CRYBG1: variants seen among roughly 807,000 people sequenced by gnomAD.
CRYBG1 encodes beta/gamma crystallin domain-containing protein 1.
Under a neutral mutation model 189.2 loss-of-function variants are expected in CRYBG1, and 139 were observed. The observed-to-expected ratio is 0.73, with a 90% CI of 0.64 to 0.85. The LOEUF (loss-of-function observed/expected upper bound fraction) is 0.85. Among genes scored for constraint, CRYBG1 ranks in the 40% least tolerant of loss-of-function variants. The pLI is 0.00. For missense variants in CRYBG1, 2,611 were observed against 2,675.8 expected (o/e 0.98, Z 0.53); for synonymous variants, 1,023 against 1,017.1 (o/e 1.01, Z -0.11).
chr6:106,525,229 A>C, intron 5 of CRYBG1, 39 bp from the exon 6 acceptor site: 1 of 1,613,662 alleles, frequency 6.2e-7, no homozygotes, highest in Non-Finnish European at 8.5e-7. Flanking sequence ...GGTCTGACAG[A>C]GTACAACAAA....
chr6:106,405,864 A>G (rs564739590), intron 1 of CRYBG1, among the ~76,000 whole-genome samples: 4 of 152,330 alleles, frequency 2.6e-5, no homozygotes, highest in African/African-American at 7.2e-5. Context: ...CAAAAACCCC[A>G]TCCAAAGGTC....
intron 1 of CRYBG1, among the ~76,000 whole-genome samples, chr6:106,393,321 A>G (rs994905433): frequency 2.0e-5 from 3 of 152,152 alleles, no homozygotes; most frequent in African/African-American, 7.2e-5. Flanking sequence ...TCTATAGCCC[A>G]TATAATTAGG....
At chr6:106,362,038 C>T (rs1771884428) in intron 1 of CRYBG1, among the ~76,000 whole-genome samples, 1 of 145,802 alleles carries the variant, frequency 6.9e-6, no homozygotes, top group South Asian at 2.2e-4. Flanking sequence ...TGGCCCAATC[C>T]CGGCTCACTG....
At chr6:106,391,224 A>T (rs1334424649) in intron 1 of CRYBG1, among the ~76,000 whole-genome samples, 1 of 152,086 alleles carries the variant, frequency 6.6e-6, no homozygotes, top group Non-Finnish European at 1.5e-5. Context: ...CTGAGATTAC[A>T]GGCATGCACC....
intron 1 of CRYBG1, among the ~76,000 whole-genome samples, chr6:106,386,694 A>G (rs980097287): frequency 4.6e-5 from 7 of 151,858 alleles, no homozygotes; most frequent in African/African-American, 1.7e-4. Flanking sequence ...TCACACTCCT[A>G]TGAGAATCGA....
At chr6:106,480,338 C>T (rs1294036005) in intron 2 of CRYBG1, among the ~76,000 whole-genome samples, 1 of 152,054 alleles carries the variant, frequency 6.6e-6, no homozygotes, top group South Asian at 2.1e-4. Context: ...GGATTGCACA[C>T]TGTAGCCTGA....
chr6:106,551,140 C>T (rs1774395314), intron 13 of CRYBG1, among the ~76,000 whole-genome samples: 1 of 152,060 alleles, frequency 6.6e-6, no homozygotes, highest in Non-Finnish European at 1.5e-5. Context: ...TCCCTCCTGG[C>T]CCCTTTTGTA....
intron 1 of CRYBG1, among the ~76,000 whole-genome samples, chr6:106,432,968 T>C (rs1771362958): frequency 6.6e-6 from 1 of 151,390 alleles, no homozygotes; most frequent in African/African-American, 2.4e-5. Flanking sequence ...GACTCCTGAG[T>C]AGCTGGAACT....
In CRYBG1 at chr6:106,436,572, C is replaced by G. The variant is rs183829900; in HGVS notation, c.174-15122C>G. On this transcript the variant is annotated intron_variant, in intron 1 of 21. Transcript: ENST00000633556. The stretch of plus-strand genomic sequence containing the variant: ...GCCTCCCAAAGTGCTGAGATTAAGG[C>G]GTGAGCCAACGCGCCCGGCCGCAAT... Among the ~76,000 whole-genome samples the G allele has an allele frequency of 1.1e-4, 16 of 143,630 alleles. No homozygotes were observed. In the East Asian group the frequency reaches 2.9e-3, roughly 26 times the overall value. The allele number at this position is 143,630 out of a possible 152,430, so 94.2% of individuals were successfully genotyped here.
chr6:106,541,498 C>A (rs1184357101), intron 9 of CRYBG1, 88 bp from the exon 10 acceptor site: 2 of 1,260,316 alleles, frequency 1.6e-6, no homozygotes, highest in South Asian at 1.2e-5. Flanking sequence ...CACTGAAATT[C>A]AATGTTTTAC....
chr6:106,538,892 C>A (rs1446656867), intron 8 of CRYBG1, among the ~76,000 whole-genome samples: 8 of 147,156 alleles, frequency 5.4e-5, no homozygotes, highest in African/African-American at 7.5e-5. Flanking sequence ...AAGACTCCGT[C>A]AAAAAAAAAA....
chr6:106,499,132 T>TGTTTG (rs764476715), intron 2 of CRYBG1, among the ~76,000 whole-genome samples: 1 of 51,776 alleles, frequency 1.9e-5, no homozygotes, highest in Admixed American at 1.7e-4. Flanking sequence ...GTTTTTTGTT[T>TGTTTG]TTTGTTTGTT....
At position 106,521,019 on chromosome 6, in the gene CRYBG1, A is replaced by C. The variant is rs1264399916; in HGVS notation, c.3811A>C (p.Ser1271Arg). The C allele has an allele frequency of 1.2e-6, 2 of 1,614,076 alleles. No homozygotes were observed. The highest frequency in any genetic ancestry group is 1.7e-6 in the Non-Finnish European group (2 of 1,180,042). The change falls in exon 4 of 22, where the codon AGT becomes CGT. Residue 1271 changes from serine to arginine, a missense_variant. Ser to Arg is a moderately radical substitution (Grantham distance 110). Around this residue, in one of 3 missense-constraint regions of CRYBG1, gnomAD observed 1,622 missense variants for 1,735.0 expected, o/e 0.93. Transcript: ENST00000633556. Reference sequence around the variant, plus strand: ...AGTCAACACTATGACCACGGCTTTCAGTACTTCTCAGAACGGTTCCCTATC... The same window carrying C: ...AGTCAACACTATGACCACGGCTTTCCGTACTTCTCAGAACGGTTCCCTATC... ...TSVNTMTTAF[S>R]TSQNGSLSQS...
chr6:106,399,670 T>TC (rs1770684801), intron 1 of CRYBG1, among the ~76,000 whole-genome samples: 2 of 151,176 alleles, frequency 1.3e-5, no homozygotes, highest in Admixed American at 1.3e-4. Context: ...TTTTTTTTTT[T>TC]TCTTGAGACA....
At chr6:106,503,906 C>G (rs953914405) in intron 2 of CRYBG1, among the ~76,000 whole-genome samples, 4 of 151,484 alleles carry the variant, frequency 2.6e-5, no homozygotes, top group Non-Finnish European at 4.4e-5. Context: ...AGTGACACCT[C>G]TTTTTCAGGA....
intron 2 of CRYBG1, among the ~76,000 whole-genome samples, chr6:106,474,669 G>A (rs904703435): frequency 6.6e-6 from 1 of 152,160 alleles, no homozygotes; most frequent in African/African-American, 2.4e-5. Flanking sequence ...CAAGAGAGGT[G>A]ACCAAGGGGA....
At chr6:106,376,858 G>A (rs1770174936) in intron 1 of CRYBG1, among the ~76,000 whole-genome samples, 2 of 152,158 alleles carry the variant, frequency 1.3e-5, no homozygotes, top group African/African-American at 2.4e-5. Flanking sequence ...TTGTACTGCA[G>A]AAGGATAAAA....
chr6:106,543,519 G>T lies in CRYBG1; in HGVS notation c.4961G>T (p.Gly1654Val). The T allele has an allele frequency of 6.2e-7, 1 of 1,614,120 alleles. No individual in the cohort carries two copies. Among genetic ancestry groups the T allele is most frequent in the African/African-American group, 1.3e-5 (1 of 75,048 alleles). ...GGAATGTGTAGTTTTGTCATGGAGG[G>T]AGGTGAAACAGAAGAGGCGACTGGA... ...ETGMCSFVME[G>V]GETEEATGDD... Residue 1654 changes from glycine to valine, a missense_variant, in exon 11 of 22, where the codon GGA (glycine) becomes GTA (valine). Physicochemically the swap from Gly to Val is moderately radical, Grantham distance 109 (BLOSUM62 -3). Transcript: ENST00000633556.
intron 1 of CRYBG1, among the ~76,000 whole-genome samples, chr6:106,402,133 C>A (rs368938250): frequency 8.7e-6 from 1 of 115,280 alleles, no homozygotes; most frequent in Non-Finnish European, 1.8e-5. Flanking sequence ...AACCACTGCT[C>A]AAGGAAATAA....
Sources: gnomAD v4.1 joint callset for allele counts (sites outside exome capture counted in the v4.1 genomes callset) on GRCh38, gnomAD v4.1.1 for gene constraint, gnomAD v4.1.1 regional missense constraint, MANE v1.5 for transcripts, NCBI Gene and HGNC (gene_info 2026-07-23, HGNC 2026-07-21) for gene names.